ZNF597: variants seen among roughly 807,000 people sequenced by gnomAD.
ZNF597 encodes zinc finger protein 597.
ZNF597 carries 5 observed loss-of-function variants against 7.3 expected under a neutral mutation model. That is an observed-to-expected ratio of 0.68 (90% CI 0.36 to 1.44). The LOEUF (loss-of-function observed/expected upper bound fraction) is 1.44, where lower values mean the gene tolerates loss of function less well. Among genes scored for constraint, ZNF597 ranks in the 40% most tolerant of loss-of-function variants. The pLI is 0.04. For missense variants in ZNF597, 585 were observed against 517.9 expected (o/e 1.13, Z -1.26); for synonymous variants, 209 against 185.4 (o/e 1.13, Z -1.04).
intron 3 of ZNF597, 125 bp downstream of exon 3, chr16:3,440,682 T>G: frequency 8.0e-7 from 1 of 1,252,646 alleles, no homozygotes; most frequent in Non-Finnish European, 1.1e-6. Context: ...CTCACACAAT[T>G]ATCACCTCCA....
At position 3,440,907 on chromosome 16, in the gene ZNF597, A is replaced by C; in HGVS notation, c.60T>G (p.Ala20=). 10 of 1,614,026 alleles carry C rather than the reference A, an allele frequency of 6.2e-6. No individual in the cohort carries two copies. Among genetic ancestry groups the C allele is most frequent in the Non-Finnish European group, 8.5e-6 (10 of 1,179,928 alleles). The change falls in exon 3 of 4, where the codon GCT becomes GCG. Residue 20 remains alanine, a synonymous_variant. Coordinates refer to ENST00000301744, the MANE Select transcript of ZNF597 (RefSeq NM_152457.3). ...AQGPILFEDL[A]VYFSQEECVT... is the part of the protein sequence containing the mutation. ...CGCACTCCTCTTGAGAAAAATACAC[A>C]GCCAGATCCTCAAAGAGTATTGGTC...
At position 3,432,763 on chromosome 16, in the gene ZNF597, A is replaced by C. The variant is rs942629360; in HGVS notation, c.*3661T>G. On this transcript the variant is annotated 3_prime_UTR_variant, in exon 4 of 4. Coordinates refer to ENST00000301744, the MANE Select transcript of ZNF597 (RefSeq NM_152457.3). ...GTAATGGTTATCTTTGAATCAGATC[A>C]ATAGCTCTTCTAAATTACAAAACTA... 1 of 152,244 alleles carries C rather than the reference A, an allele frequency of 6.6e-6. No individual in the cohort carries two copies. Among genetic ancestry groups the C allele is most frequent in the African/African-American group, 2.4e-5 (1 of 41,464 alleles). The allele number at this position is 152,244 out of a possible 1,614,324, so 9.4% of individuals were successfully genotyped here.
At chr16:3,442,208 A>G (rs2034390671) in intron 2 of ZNF597, among the ~76,000 whole-genome samples, 1 of 152,128 alleles carries the variant, frequency 6.6e-6, no homozygotes, top group African/African-American at 2.4e-5. Context: ...ACGAGTGTGG[A>G]GTCTAGAAAT....
In ZNF597 at chr16:3,436,795, T is replaced by G; in HGVS notation, c.904A>C (p.Met302Leu). The G allele has an allele frequency of 6.2e-7, 1 of 1,613,680 alleles. No homozygotes were observed. Among genetic ancestry groups the G allele is most frequent in the Non-Finnish European group, 8.5e-7 (1 of 1,180,042 alleles). ...SGPQYQHTKC[M>L]KSFRQSLYPA... ...TATAAGGACTGCCTGAAGCTCTTCATGCACTTAGTGTGCTGGTACTGGGGG... is the reference window on the plus strand; with the variant it reads ...TATAAGGACTGCCTGAAGCTCTTCAGGCACTTAGTGTGCTGGTACTGGGGG... Residue 302 changes from methionine (M) to leucine (L), a missense_variant, in exon 4 of 4, where the codon ATG (methionine) becomes CTG (leucine). By Grantham distance (15) the Met-to-Leu change is conservative. Coordinates refer to ENST00000301744, the MANE Select transcript of ZNF597 (RefSeq NM_152457.3).
In ZNF597 at chr16:3,436,394, A is replaced by T; in HGVS notation, c.*30T>A. ...CCACCATACAGATACTGAAAAGCCCAATCACTAATAACAATTTGTTATATT... is the reference window on the plus strand; with the variant it reads ...CCACCATACAGATACTGAAAAGCCCTATCACTAATAACAATTTGTTATATT... On this transcript the variant is annotated 3_prime_UTR_variant, in exon 4 of 4. Coordinates refer to ENST00000301744, the MANE Select transcript of ZNF597 (RefSeq NM_152457.3). The T allele has an allele frequency of 6.3e-7, 1 of 1,596,730 alleles. No individual in the cohort carries two copies. The highest frequency in any genetic ancestry group is 8.5e-7 in the Non-Finnish European group (1 of 1,170,538).
At position 3,432,529 on chromosome 16, in the gene ZNF597, A is replaced by C. The variant is rs1025427334; in HGVS notation, c.*3895T>G. 6.6e-6 allele frequency: 1 copy of C among 152,254 alleles called. No homozygotes were observed. Among genetic ancestry groups the C allele is most frequent in the Non-Finnish European group, 1.5e-5 (1 of 68,054 alleles). The allele number at this position is 152,254 out of a possible 1,614,324, so 9.4% of individuals were successfully genotyped here. On this transcript the variant is annotated 3_prime_UTR_variant, in exon 4 of 4. Coordinates refer to ENST00000301744, the MANE Select transcript of ZNF597 (RefSeq NM_152457.3). ...CTGATGAGAATACGTCAAAAAGAGT[A>C]AGACCCAAAACATTGAATAAACAGT...
chr16:3,441,440 A>G (rs1016796269), intron 2 of ZNF597, among the ~76,000 whole-genome samples: 6 of 152,236 alleles, frequency 3.9e-5, no homozygotes, highest in African/African-American at 1.4e-4. Flanking sequence ...TAACCCCAGC[A>G]CTTTGGAAGG....
intron 2 of ZNF597, among the ~76,000 whole-genome samples, chr16:3,441,990 A>AG (rs1252786687): frequency 5.9e-5 from 9 of 151,498 alleles, no homozygotes; most frequent in South Asian, 4.1e-4. Flanking sequence ...AAAAAAAAAA[A>AG]AAAAGAAAAG....
At chr16:3,441,490 C>A (rs57077984) in intron 2 of ZNF597, among the ~76,000 whole-genome samples, 36,179 of 151,932 alleles carry the variant, frequency 0.24, 4,371 homozygotes, top group African/African-American at 0.28. Flanking sequence ...AGTTCAAGAC[C>A]AGCCTGACCA....
intron 3 of ZNF597, among the ~76,000 whole-genome samples, chr16:3,437,793 G>C (rs1250901108): frequency 6.6e-6 from 1 of 152,148 alleles, no homozygotes; most frequent in East Asian, 1.9e-4. Context: ...TAGGTACTAA[G>C]GACAATCTCA....
chr16:3,440,534 T>C (rs1342761448), intron 3 of ZNF597, among the ~76,000 whole-genome samples: 1 of 152,036 alleles, frequency 6.6e-6, no homozygotes, highest in Non-Finnish European at 1.5e-5. Flanking sequence ...CTCGGGAGGC[T>C]GAGGCAGGAG....
In ZNF597 at chr16:3,437,350, T is replaced by G; in HGVS notation, c.349A>C (p.Ile117Leu). 1.2e-6 allele frequency: 2 copies of G among 1,614,192 alleles called. No individual in the cohort carries two copies. Among genetic ancestry groups the G allele is most frequent in the Non-Finnish European group, 1.7e-6 (2 of 1,180,038 alleles). Reference protein sequence around the residue: ...SGTPTYKRRVISLLVTIENHT... With the variant: ...SGTPTYKRRVLSLLVTIENHT... ...TTTTCAATGGTAACTAAAAGGCTGA[T>G]GACCCTTCTCTTGTAAGTGGGAGTT... The change falls in exon 4 of 4, where the codon ATC (isoleucine) becomes CTC (leucine). Residue 117 changes from isoleucine (I) to leucine (L), a missense_variant. Coordinates refer to ENST00000301744, the MANE Select transcript of ZNF597 (RefSeq NM_152457.3).
chr16:3,442,912 C>T (rs2034411743), intron 2 of ZNF597, among the ~76,000 whole-genome samples: 1 of 152,152 alleles, frequency 6.6e-6, no homozygotes, highest in South Asian at 2.1e-4. Context: ...CTCCACAGGT[C>T]CCTGCTCCCA....
chr16:3,433,148 T>C lies in ZNF597; in HGVS notation c.*3276A>G, dbSNP rs928287327. ...GAATTATTGGGTTAGTCATTTTCTA[T>C]GTTAAATGAGGAGGTGTCAATAGAC... is the stretch of plus-strand genomic sequence containing the variant. On this transcript the variant is annotated 3_prime_UTR_variant, in exon 4 of 4. Transcript: ENST00000301744. 1 of 152,238 alleles carries C rather than the reference T, an allele frequency of 6.6e-6. No homozygotes were observed. The highest frequency in any genetic ancestry group is 2.4e-5 in the African/African-American group (1 of 41,464). The allele number at this position is 152,238 out of a possible 1,614,324, so 9.4% of individuals were successfully genotyped here.
chr16:3,437,670 C>G (rs2034319877), intron 3 of ZNF597, 132 bp from the exon 4 acceptor site: 1 of 1,385,622 alleles, frequency 7.2e-7, no homozygotes. Context: ...CAGACACTAA[C>G]CACACAAAAT....
chr16:3,440,073 T>C (rs917060690), intron 3 of ZNF597, among the ~76,000 whole-genome samples: 21 of 152,232 alleles, frequency 1.4e-4, no homozygotes, highest in South Asian at 8.3e-4. Flanking sequence ...CTACTTAGAA[T>C]AGATAGTTTA....
chr16:3,441,513 T>A (rs1306203502), intron 2 of ZNF597, among the ~76,000 whole-genome samples: 1 of 152,052 alleles, frequency 6.6e-6, no homozygotes, highest in Admixed American at 6.6e-5. Context: ...ATGGTGAAAT[T>A]CTGTCTGCAC....
At chr16:3,440,771 C>T in intron 3 of ZNF597, 36 bp downstream of exon 3, 2 of 1,610,870 alleles carry the variant, frequency 1.2e-6, no homozygotes, top group Non-Finnish European at 1.7e-6. Flanking sequence ...CTAGAATTGA[C>T]AAAAGTTCCA....
intron 1 of ZNF597, 59 bp downstream of exon 1, chr16:3,443,301 T>C (rs7500590): frequency 0.24 from 179,267 of 749,254 alleles, 22,996 homozygotes; most frequent in African/African-American, 0.41. Flanking sequence ...GAACCCCCCC[T>C]TAAAAACCTA....
Sources: gnomAD v4.1 joint callset for allele counts (sites outside exome capture counted in the v4.1 genomes callset) on GRCh38, gnomAD v4.1.1 for gene constraint, MANE v1.5 for transcripts, NCBI Gene and HGNC (gene_info 2026-07-23, HGNC 2026-07-21) for gene names.